NEDD4L: variants seen among roughly 807,000 people sequenced by gnomAD.
The protein encoded by NEDD4L is NEDD4 like E3 ubiquitin protein ligase.
Under a neutral mutation model 148.9 loss-of-function variants are expected in NEDD4L, and 54 were observed. The ratio of observed to expected loss-of-function variants is 0.36; its 90% CI spans 0.29 to 0.45. NEDD4L has a LOEUF of 0.45. Ranked by LOEUF, NEDD4L falls within the 20% of genes least tolerant of loss-of-function variation. The pLI, the probability that NEDD4L is intolerant of heterozygous loss-of-function variation, is 1.00. For synonymous variants in NEDD4L, 433 were observed against 440.7 expected (o/e 0.98, Z 0.22); for missense variants, 856 against 1,233.8 (o/e 0.69, Z 4.59).
chr18:58,259,948 A>G (rs2049129746), intron 5 of NEDD4L, among the ~76,000 whole-genome samples: 1 of 152,234 alleles, frequency 6.6e-6, no homozygotes, highest in African/African-American at 2.4e-5. Context: ...TCTCTTTTAC[A>G]GAAGATGTTT....
intron 1 of NEDD4L, among the ~76,000 whole-genome samples, chr18:58,102,655 C>T (rs1568218300): frequency 6.6e-6 from 1 of 151,996 alleles, no homozygotes; most frequent in African/African-American, 2.4e-5. Flanking sequence ...AAAAGTAATG[C>T]AAATAACGCA....
At chr18:58,088,855 C>G (rs1256082371) in intron 1 of NEDD4L, among the ~76,000 whole-genome samples, 1 of 152,046 alleles carries the variant, frequency 6.6e-6, no homozygotes. Flanking sequence ...TGATATTTTG[C>G]TATGAGATGT....
intron 5 of NEDD4L, among the ~76,000 whole-genome samples, chr18:58,289,426 C>T (rs1472552656): frequency 6.6e-6 from 1 of 152,122 alleles, no homozygotes; most frequent in Admixed American, 6.5e-5. Flanking sequence ...GAAAAAGCAG[C>T]GGAGAACCAG....
At chr18:58,153,665 G>A (rs570403431) in intron 1 of NEDD4L, among the ~76,000 whole-genome samples, 1 of 131,628 alleles carries the variant, frequency 7.6e-6, no homozygotes, top group East Asian at 2.3e-4. Flanking sequence ...TTTTTTTTTT[G>A]AGATGGAGTC....
intron 5 of NEDD4L, among the ~76,000 whole-genome samples, chr18:58,299,405 A>G (rs2056151288): frequency 6.6e-6 from 1 of 152,232 alleles, no homozygotes; most frequent in Non-Finnish European, 1.5e-5. Flanking sequence ...TAACATTGAT[A>G]TATTTCTTGG....
At chr18:58,313,293 G>A (rs982375139) in intron 5 of NEDD4L, among the ~76,000 whole-genome samples, 5 of 152,140 alleles carry the variant, frequency 3.3e-5, no homozygotes, top group Non-Finnish European at 5.9e-5. Context: ...ATGAGAAAAC[G>A]TGATAAAAGG....
chr18:58,271,310 A>G (rs1305667026), intron 5 of NEDD4L, among the ~76,000 whole-genome samples: 4 of 152,196 alleles, frequency 2.6e-5, no homozygotes, highest in Non-Finnish European at 4.4e-5. Flanking sequence ...AATCAATAAA[A>G]TGTATCCTTA....
intron 1 of NEDD4L, among the ~76,000 whole-genome samples, chr18:58,147,400 G>C (rs1276376024): frequency 6.6e-6 from 1 of 152,038 alleles, no homozygotes; most frequent in African/African-American, 2.4e-5. Flanking sequence ...TGCCACATTT[G>C]GGGGGCAGAA....
intron 1 of NEDD4L, among the ~76,000 whole-genome samples, chr18:58,064,179 TG>T (rs1483443383): frequency 6.6e-6 from 1 of 151,866 alleles, no homozygotes; most frequent in African/African-American, 2.4e-5. Flanking sequence ...TTAGCCAGGA[TG>T]GTCTTGATCT....
intron 2 of NEDD4L, among the ~76,000 whole-genome samples, chr18:58,217,425 A>G (rs1404000004): frequency 2.6e-5 from 4 of 152,078 alleles, no homozygotes; most frequent in Non-Finnish European, 5.9e-5. Flanking sequence ...TTGGTTACTC[A>G]CTGTGTTAAA....
In NEDD4L at chr18:58,366,547, T is replaced by A; in HGVS notation, c.2063+319T>A. 4.4e-6 allele frequency: 1 copy of A among 226,144 alleles called. No homozygotes were observed. Among genetic ancestry groups the A allele is most frequent in the Non-Finnish European group, 8.6e-6 (1 of 116,468 alleles). 14.0% of individuals were successfully genotyped at this position (226,144 alleles called of 1,614,324 possible). A position where few individuals can be genotyped will look rare whatever the true frequency, so the allele number is the denominator to read the frequency against. The stretch of plus-strand genomic sequence containing the variant: ...AGTGTTCAAGAGGAGGACTTGTCAG[T>A]GTTAGAATTCAAAAACAAAGGAGGT... On this transcript the variant is annotated intron_variant, in intron 21 of 30. Coordinates refer to ENST00000400345, the MANE Select transcript of NEDD4L (RefSeq NM_001144967.3). The surrounding 1 kb of genome is among the most constrained non-coding windows in gnomAD (Gnocchi z 4.2).
At chr18:58,377,974 G>T (rs1405071713) in intron 24 of NEDD4L, among the ~76,000 whole-genome samples, 1 of 152,088 alleles carries the variant, frequency 6.6e-6, no homozygotes, top group African/African-American at 2.4e-5. Context: ...CGAACTCCTG[G>T]CCTCAAGTGA....
intron 5 of NEDD4L, among the ~76,000 whole-genome samples, chr18:58,306,197 A>G (rs529857146): frequency 3.7e-4 from 56 of 151,762 alleles, no homozygotes; most frequent in African/African-American, 1.3e-3. Context: ...AGAATTGTCC[A>G]TGTCCAAGTC....
intron 9 of NEDD4L, among the ~76,000 whole-genome samples, chr18:58,326,149 C>T (rs949154752): frequency 4.6e-5 from 7 of 152,216 alleles, no homozygotes; most frequent in Non-Finnish European, 5.9e-5. Flanking sequence ...TGTAAAGATA[C>T]TCCACATATG....
At chr18:58,098,282 C>G (rs936910253) in intron 1 of NEDD4L, among the ~76,000 whole-genome samples, 20 of 152,020 alleles carry the variant, frequency 1.3e-4, no homozygotes, top group African/African-American at 4.4e-4. Flanking sequence ...GTGGGAGGGA[C>G]CCTGCAAGAA....
chr18:58,105,451 G>T (rs926591507), intron 1 of NEDD4L, among the ~76,000 whole-genome samples: 1 of 152,168 alleles, frequency 6.6e-6, no homozygotes, highest in Non-Finnish European at 1.5e-5. Flanking sequence ...GTGCCTGGCA[G>T]TGCCTAGCAA....
chr18:58,281,740 T>C (rs2148974192), intron 5 of NEDD4L, among the ~76,000 whole-genome samples: 1 of 152,118 alleles, frequency 6.6e-6, no homozygotes, highest in South Asian at 2.1e-4. Context: ...AACTATAAAA[T>C]GTTGGCTGGG....
intron 6 of NEDD4L, among the ~76,000 whole-genome samples, chr18:58,318,556 T>G (rs973234158): frequency 6.6e-6 from 1 of 152,232 alleles, no homozygotes; most frequent in Non-Finnish European, 1.5e-5. Flanking sequence ...GCTCTCCTTT[T>G]GCTTTTACAT....
At chr18:58,089,894 C>T (rs770330579) in intron 1 of NEDD4L, among the ~76,000 whole-genome samples, 2 of 149,064 alleles carry the variant, frequency 1.3e-5, no homozygotes. Context: ...GGCTGGAGTG[C>T]AGTGGCACTA....
Sources: allele counts gnomAD v4.1 joint callset (sites outside exome capture counted in the v4.1 genomes callset), GRCh38; gene constraint gnomAD v4.1.1; non-coding constraint Gnocchi (gnomAD v3.1); transcripts MANE v1.5; gene names NCBI Gene and HGNC (gene_info 2026-07-23, HGNC 2026-07-21).